Variants in IFT172 observed in about 807,000 individuals in gnomAD.
IFT172 encodes intraflagellar transport protein 172 homolog.
IFT172 carries 164 observed loss-of-function variants against 248.9 expected under a neutral mutation model. The observed-to-expected ratio is 0.66, with a 90% CI of 0.58 to 0.75. The LOEUF (loss-of-function observed/expected upper bound fraction) is 0.75, where lower values mean the gene tolerates loss of function less well. Ranked by LOEUF, IFT172 falls within the 30% of genes least tolerant of loss-of-function variation. IFT172 has a pLI of 0.00. For missense variants in IFT172, 1,950 were observed against 2,192.4 expected, an observed-to-expected ratio of 0.89 and a Z score of 2.21; for synonymous variants, 729 against 791.6, an observed-to-expected ratio of 0.92 and a Z score of 1.33.
chr2:27,479,052 T>C (rs1173346112), intron 10 of IFT172, among the ~76,000 whole-genome samples: 1 of 152,190 alleles, frequency 6.6e-6, no homozygotes, highest in Non-Finnish European at 1.5e-5. Context: ...TCACCCAGGA[T>C]GGAGTGCAGT....
chr2:27,456,475 G>T (rs1485776409), intron 30 of IFT172, 36 bp downstream of exon 30: 2 of 1,593,014 alleles, frequency 1.3e-6, no homozygotes, highest in Non-Finnish European at 1.7e-6. Context: ...GCTCTGGCTG[G>T]GATGGGGCCC....
chr2:27,477,118 C>A, intron 13 of IFT172, 99 bp downstream of exon 13: 1 of 1,096,360 alleles, frequency 9.1e-7, no homozygotes, highest in African/African-American at 1.5e-5. Flanking sequence ...AGCCACCACA[C>A]CTGGCTGAAG....
Position 27,453,420 on chromosome 2 carries a change from A to C in IFT172, c.3915T>G (p.Ser1305=), listed in dbSNP as rs56076827. 1.2e-6 allele frequency: 2 copies of C among 1,613,938 alleles called. No individual in the cohort carries two copies. The highest frequency in any genetic ancestry group is 1.7e-6 in the Non-Finnish European group (2 of 1,179,958). ...AVDCYLKVRD[S]GNSGLAEKCW... is the part of the protein sequence containing the mutation. ...ACTTCTCCGCCAGGCCGCTGTTTCC[A>C]GAGTCTCGCACTTTGAGGTAGCAGT... The change falls in exon 35 of 48, where the codon TCT becomes TCG. Residue 1305 remains serine, a synonymous_variant. Coordinates refer to ENST00000260570, the MANE Select transcript of IFT172 (RefSeq NM_015662.3).
intron 23 of IFT172, 56 bp downstream of exon 23, chr2:27,460,959 G>A: frequency 6.2e-7 from 1 of 1,608,644 alleles, no homozygotes; most frequent in Admixed American, 1.7e-5. Flanking sequence ...AGGTGCCAGG[G>A]AACCAGATGG....
chr2:27,453,877 A>G lies in IFT172; in HGVS notation c.3711+105T>C, dbSNP rs543101035. The G allele has an allele frequency of 1.6e-4, 221 of 1,424,912 alleles. 1 individual carries two copies. Among genetic ancestry groups the G allele is most frequent in the Middle Eastern group, 1.2e-3 (6 of 4,896 alleles). The allele number at this position is 1,424,912 out of a possible 1,614,324, so 88.3% of individuals were successfully genotyped here. The stretch of plus-strand genomic sequence containing the variant: ...TCTTTCCTGTCTTCCCCACTCCCCA[A>G]TACTAACCTCCCTGATCTTTCTTCA... On this transcript the variant is annotated intron_variant, in intron 33 of 47. Transcript: ENST00000260570.
intron 20 of IFT172, among the ~76,000 whole-genome samples, chr2:27,462,177 C>T (rs954693408): frequency 3.9e-5 from 6 of 152,046 alleles, no homozygotes; most frequent in African/African-American, 9.7e-5. Flanking sequence ...GGATTACAGG[C>T]GTGTGCCACC....
chr2:27,473,569 C>G (rs942665733), intron 14 of IFT172, among the ~76,000 whole-genome samples: 4 of 151,306 alleles, frequency 2.6e-5, no homozygotes, highest in African/African-American at 9.7e-5. Flanking sequence ...CTCAGCCTCC[C>G]AAAGTGTTGG....
At position 27,465,326 on chromosome 2, in the gene IFT172, C is replaced by T. The variant is rs75831969; in HGVS notation, c.1937+85G>A. On this transcript the variant is annotated intron_variant, in intron 18 of 47. Transcript: ENST00000260570. ...GGGAAGGGAGGGAGTACCTTAACACCGGATTGGAGTAGCCCACAGGGAAAA... is the reference window on the plus strand; with the variant it reads ...GGGAAGGGAGGGAGTACCTTAACACTGGATTGGAGTAGCCCACAGGGAAAA... The T allele has an allele frequency of 1.0e-4, 112 of 1,120,118 alleles. 1 individual carries two copies. In the East Asian group the frequency reaches 2.2e-3, roughly 22 times the overall value. The allele number at this position is 1,120,118 out of a possible 1,614,324, so 69.4% of individuals were successfully genotyped here.
intron 30 of IFT172, chr2:27,455,516 G>A (rs968111450): frequency 9.9e-6 from 2 of 202,770 alleles, no homozygotes; most frequent in Non-Finnish European, 2.0e-5. Context: ...AGACCAGCCT[G>A]GCTAACAGGG....
At position 27,461,055 on chromosome 2, in the gene IFT172, CT is replaced by C. The variant is rs1666620422; in HGVS notation, c.2480del (p.Lys827ArgfsTer13). 6.2e-7 allele frequency: 1 copy of C among 1,614,110 alleles called. No homozygotes were observed. The highest frequency in any genetic ancestry group is 8.5e-7 in the Non-Finnish European group (1 of 1,180,024). On this transcript the variant is annotated frameshift_variant, in exon 23 of 48. Transcript: ENST00000260570. LOFTEE classifies it high-confidence loss of function. ...DLFEKIHNPQ[K>X]ALECYRKGNA... ...TGCCTTTACGGTAGCACTCCAGGGCCTTCTGTGGATTGTGAATCTTCTCAAA... is the reference window on the plus strand; with the variant it reads ...TGCCTTTACGGTAGCACTCCAGGGCCTCTGTGGATTGTGAATCTTCTCAAA...
At position 27,445,967 on chromosome 2, in the gene IFT172, C is replaced by T; in HGVS notation, c.4777G>A (p.Ala1593Thr). The T allele has an allele frequency of 6.2e-7, 1 of 1,614,212 alleles. No homozygotes were observed. The highest frequency in any genetic ancestry group is 8.5e-7 in the Non-Finnish European group (1 of 1,180,042). Residue 1593 changes from alanine to threonine, a missense_variant, in exon 44 of 48, where the codon GCA becomes ACA. Physicochemically the swap from Ala to Thr is moderately conservative, Grantham distance 58. This residue lies in a region of IFT172 where 620 missense variants were observed against 699.0 expected (regional missense o/e 0.89). Transcript: ENST00000260570. This position sits in a 1 kb window ranked among gnomAD's most constrained non-coding sequence, Gnocchi z 4.4. ...AAKAVGWDNM[A>T]FIFLNRFLDL... ...AAAAAGCGATTGAGGAAGATGAATG[C>T]CATGTTATCCCAGCCAACTGCCTGC... is the stretch of plus-strand genomic sequence containing the variant.
In IFT172 at chr2:27,449,812, GA is replaced by G. The variant is rs756768673; in HGVS notation, c.4051-13del. On this transcript the variant is annotated splice_polypyrimidine_tract_variant and intron_variant, in intron 36 of 47. Transcript: ENST00000260570. ...TAGAGCTCTGCAGCCTGCACAGTGGGAAATCAGCGTGGAGACTTTCTCCTCG... is the reference window on the plus strand; with the variant it reads ...TAGAGCTCTGCAGCCTGCACAGTGGGAATCAGCGTGGAGACTTTCTCCTCG... The G allele has an allele frequency of 1.3e-6, 2 of 1,590,428 alleles. No homozygotes were observed. The highest frequency in any genetic ancestry group is 1.3e-5 in the African/African-American group (1 of 74,206).
chr2:27,447,562 C>A lies in IFT172; in HGVS notation c.4612G>T (p.Ala1538Ser). 6.2e-7 allele frequency: 1 copy of A among 1,614,092 alleles called. No homozygotes were observed. The highest frequency in any genetic ancestry group is 8.5e-7 in the Non-Finnish European group (1 of 1,179,996). ...HEEFKTMLLI[A>S]HYYATRSAAQ... Reference sequence around the variant, plus strand: ...GCAGAGCGCGTGGCATAGTAATGAGCGATCAGCAGCATCGTCTTGAACTCC... The same window carrying A: ...GCAGAGCGCGTGGCATAGTAATGAGAGATCAGCAGCATCGTCTTGAACTCC... The change falls in exon 42 of 48, where the codon GCT becomes TCT. Residue 1538 changes from alanine to serine, a missense_variant. Around this residue, in one of 3 missense-constraint regions of IFT172, gnomAD observed 620 missense variants for 699.0 expected, o/e 0.89. Transcript: ENST00000260570.
chr2:27,459,289 G>C, intron 25 of IFT172, 89 bp downstream of exon 25: 3 of 1,503,810 alleles, frequency 2.0e-6, no homozygotes. Context: ...GAAGGATCTG[G>C]TGAACTTGCC....
In IFT172 at chr2:27,463,138, G is replaced by A. The variant is rs1666813201; in HGVS notation, c.1981C>T (p.His661Tyr). The A allele has an allele frequency of 1.9e-6, 3 of 1,614,166 alleles. No individual in the cohort carries two copies. The highest frequency in any genetic ancestry group is 2.5e-6 in the Non-Finnish European group (3 of 1,180,034). ...LGQVAKARFL[H>Y]ETNEIADQVS... Reference sequence around the variant, plus strand: ...TGATCTGCAATCTCATTGGTCTCATGCAGGAATCGAGCTTTTGCTACTTGG... The same window carrying A: ...TGATCTGCAATCTCATTGGTCTCATACAGGAATCGAGCTTTTGCTACTTGG... The change falls in exon 19 of 48, where the codon CAT becomes TAT. Residue 661 changes from histidine to tyrosine, a missense_variant. By Grantham distance (83) the His-to-Tyr change is moderately conservative (BLOSUM62 2). Coordinates refer to ENST00000260570, the MANE Select transcript of IFT172 (RefSeq NM_015662.3).
intron 16 of IFT172, among the ~76,000 whole-genome samples, chr2:27,466,580 G>A (rs1269090660): frequency 6.6e-6 from 1 of 151,864 alleles, no homozygotes; most frequent in Non-Finnish European, 1.5e-5. Context: ...AAGCCCTCAG[G>A]ATTCCAAAAA....
chr2:27,482,278 C>T lies in IFT172; in HGVS notation c.570+1011G>A, dbSNP rs554825352. 2.3e-4 allele frequency among the ~76,000 whole-genome samples: 34 copies of T among 147,930 alleles called. No homozygotes were observed. The South Asian group carries it at 6.0e-3, about 26-fold the overall frequency. On this transcript the variant is annotated intron_variant, in intron 7 of 47. Transcript: ENST00000260570. ...GATTACAGGAGTGAGACACTGTGCC[C>T]GGCCTATACAAGTAATTCTTTTTTT...
At position 27,478,107 on chromosome 2, in the gene IFT172, T is replaced by C. The variant is rs778403051; in HGVS notation, c.1055A>G (p.His352Arg). The C allele has an allele frequency of 6.2e-7, 1 of 1,614,186 alleles. No homozygotes were observed. Among genetic ancestry groups the C allele is most frequent in the East Asian group, 2.2e-5 (1 of 44,884 alleles). Residue 352 changes from histidine (H) to arginine (R), a missense_variant, in exon 11 of 48, where the codon CAC becomes CGC. His to Arg is a conservative substitution (Grantham distance 29, BLOSUM62 0). This residue lies in a region of IFT172 where 1,166 missense variants were observed against 1,254.1 expected (regional missense o/e 0.93). Coordinates refer to ENST00000260570, the MANE Select transcript of IFT172 (RefSeq NM_015662.3). ...SSGTRVVLKSHYGYEVEEVKI... is the reference protein window; with the variant it reads ...SSGTRVVLKSRYGYEVEEVKI... ...CACCTCTTCCACCTCATAGCCATAGTGTGACTTGAGCACCACTCGGGTTCC... is the reference window on the plus strand; with the variant it reads ...CACCTCTTCCACCTCATAGCCATAGCGTGACTTGAGCACCACTCGGGTTCC...
At chr2:27,481,899 C>T (rs1668403747) in intron 7 of IFT172, among the ~76,000 whole-genome samples, 1 of 152,104 alleles carries the variant, frequency 6.6e-6, no homozygotes, top group Admixed American at 6.5e-5. Context: ...ATGTGCTACA[C>T]ATTAACCAAC....
Sources: allele counts gnomAD v4.1 joint callset (sites outside exome capture counted in the v4.1 genomes callset), GRCh38; gene constraint gnomAD v4.1.1; regional missense constraint gnomAD v4.1.1; non-coding constraint Gnocchi (gnomAD v3.1); transcripts MANE v1.5; gene names NCBI Gene and HGNC (gene_info 2026-07-23, HGNC 2026-07-21).